Variants in KITLG observed in about 807,000 individuals in gnomAD.
The protein encoded by KITLG is KIT ligand.
A neutral mutation model predicts 34.1 loss-of-function variants in KITLG; 13 were observed. The ratio of observed to expected loss-of-function variants is 0.38; its 90% CI spans 0.25 to 0.61. KITLG has a LOEUF of 0.61. Ranked by LOEUF, KITLG falls within the 20% of genes least tolerant of loss-of-function variation. The pLI is 0.60. For missense variants in KITLG, 292 were observed against 318.9 expected (o/e 0.92, Z 0.64); for synonymous variants, 110 against 104.0 (o/e 1.06, Z -0.35).
chr12:88,533,301 T>C (rs1040396220), intron 2 of KITLG, among the ~76,000 whole-genome samples: 5 of 152,204 alleles, frequency 3.3e-5, no homozygotes, highest in African/African-American at 1.2e-4. Context: ...ATCTAAACTC[T>C]GTATGTTGGT....
chr12:88,567,426 A>T (rs956692311), intron 1 of KITLG, among the ~76,000 whole-genome samples: 2 of 152,222 alleles, frequency 1.3e-5, no homozygotes, highest in African/African-American at 4.8e-5. Flanking sequence ...CAAAAAGAAC[A>T]TAACAGTTTA....
chr12:88,511,744 T>C (rs1869284938), intron 6 of KITLG, among the ~76,000 whole-genome samples: 1 of 151,998 alleles, frequency 6.6e-6, no homozygotes, highest in Admixed American at 6.6e-5. Flanking sequence ...CACAGAACAA[T>C]GGGGACAAAA....
chr12:88,578,069 C>A (rs1871889628), intron 1 of KITLG, among the ~76,000 whole-genome samples: 2 of 152,088 alleles, frequency 1.3e-5, no homozygotes, highest in Non-Finnish European at 2.9e-5. Flanking sequence ...TTCTTAATGT[C>A]CAATTTACAT....
chr12:88,513,969 G>T (rs538375245), intron 6 of KITLG, among the ~76,000 whole-genome samples: 1 of 151,562 alleles, frequency 6.6e-6, no homozygotes, highest in East Asian at 1.9e-4. Flanking sequence ...AATAGTTTCA[G>T]TACATTTCAA....
Position 88,507,051 on chromosome 12 carries a change from C to A in KITLG, c.691G>T (p.Ala231Ser), listed in dbSNP as rs754913140. The A allele has an allele frequency of 6.2e-7, 1 of 1,609,778 alleles. No individual in the cohort carries two copies. The highest frequency in any genetic ancestry group is 8.5e-7 in the Non-Finnish European group (1 of 1,176,220). ...PALFSLIIGF[A>S]FGALYWKKRQ... The stretch of plus-strand genomic sequence containing the variant: ...ACCTTCCAGTATAAGGCTCCAAAAG[C>A]AAAGCCAATTATAAGAGAAAACAAT... Residue 231 changes from alanine (A) to serine (S), a missense_variant, in exon 7 of 10, where the codon GCT (alanine) becomes TCT (serine). Physicochemically the swap from Ala to Ser is moderately conservative, Grantham distance 99. Around this residue, in one of 2 missense-constraint regions of KITLG, gnomAD observed 140 missense variants for 111.0 expected, o/e 1.26. Coordinates refer to ENST00000644744, the MANE Select transcript of KITLG (RefSeq NM_000899.5).
chr12:88,507,103 T>A lies in KITLG; in HGVS notation c.639A>T (p.Leu213=), dbSNP rs769039249. 13 of 1,613,542 alleles carry A rather than the reference T, an allele frequency of 8.1e-6. No individual in the cohort carries two copies. In the South Asian group the frequency reaches 1.3e-4, roughly 16 times the overall value. The change falls in exon 7 of 10, where the codon CTA becomes CTT. Residue 213 remains leucine, a synonymous_variant. Transcript: ENST00000644744. The part of the protein sequence containing the change: ...KAKNPPGDSS[L]HWAAMALPAL... ...CTGGCAATGCCATGGCTGCCCAGTGTAGGCTGGAGTCTCCAGGGGGATTTT... is the reference window on the plus strand; with the variant it reads ...CTGGCAATGCCATGGCTGCCCAGTGAAGGCTGGAGTCTCCAGGGGGATTTT...
intron 6 of KITLG, among the ~76,000 whole-genome samples, chr12:88,511,640 AC>A (rs1219493152): frequency 6.6e-6 from 1 of 152,174 alleles, no homozygotes; most frequent in Non-Finnish European, 1.5e-5. Context: ...TAGAGAAGTC[AC>A]AAAACCTGAC....
At chr12:88,506,942 T>C (rs1869085631) in intron 7 of KITLG, 86 bp downstream of exon 7, 1 of 835,842 alleles carries the variant, frequency 1.2e-6, no homozygotes, top group Non-Finnish European at 2.1e-6. Flanking sequence ...TTCACTGTTT[T>C]CTTAAAGGAT....
Position 88,559,934 on chromosome 12 carries a change from C to A in KITLG, c.16-14069G>T, listed in dbSNP as rs181391331. Among the ~76,000 whole-genome samples the A allele has an allele frequency of 5.3e-5, 8 of 152,310 alleles. No homozygotes were observed. The East Asian group carries it at 1.5e-3, about 29-fold the overall frequency. ...TGCAGGTTCAATGACATGCCCAGGA[C>A]TTGTTCTTCTGATAACAATATATGT... is the stretch of plus-strand genomic sequence containing the variant. On this transcript the variant is annotated intron_variant, in intron 1 of 9. Transcript: ENST00000644744.
At chr12:88,514,898 A>G (rs1869403501) in intron 6 of KITLG, among the ~76,000 whole-genome samples, 2 of 151,766 alleles carry the variant, frequency 1.3e-5, no homozygotes, top group South Asian at 4.1e-4. Flanking sequence ...GAGGCTAGAG[A>G]GTATTTAGTA....
chr12:88,553,246 T>G (rs892947753), intron 1 of KITLG, among the ~76,000 whole-genome samples: 1 of 152,208 alleles, frequency 6.6e-6, no homozygotes, highest in African/African-American at 2.4e-5. Flanking sequence ...TTCCAATATA[T>G]CAACAAAATA....
chr12:88,507,708 C>T (rs1002010962), intron 6 of KITLG, among the ~76,000 whole-genome samples: 2 of 152,068 alleles, frequency 1.3e-5, no homozygotes, highest in Admixed American at 6.6e-5. Context: ...CACTGTGCAA[C>T]GGACTAAGAG....
intron 2 of KITLG, among the ~76,000 whole-genome samples, chr12:88,543,115 T>TATC (rs1408287466): frequency 6.6e-6 from 1 of 152,006 alleles, no homozygotes; most frequent in African/African-American, 2.4e-5. Flanking sequence ...CTGTAATTTT[T>TATC]ATTATTATTA....
chr12:88,536,082 A>G (rs903436261), intron 2 of KITLG, among the ~76,000 whole-genome samples: 1 of 152,208 alleles, frequency 6.6e-6, no homozygotes, highest in Non-Finnish European at 1.5e-5. Context: ...GCTACTACAC[A>G]GCAAAAGAAA....
At chr12:88,526,341 CG>C (rs1869863237) in intron 3 of KITLG, among the ~76,000 whole-genome samples, 1 of 152,112 alleles carries the variant, frequency 6.6e-6, no homozygotes, top group Admixed American at 6.6e-5. Context: ...AAGATAATAA[CG>C]TTGCAGTGCA....
chr12:88,573,901 G>T (rs545201264), intron 1 of KITLG, among the ~76,000 whole-genome samples: 15 of 152,170 alleles, frequency 9.9e-5, no homozygotes, highest in African/African-American at 3.6e-4. Flanking sequence ...TTGAGCTGCT[G>T]TCTGTGTACC....
intron 1 of KITLG, among the ~76,000 whole-genome samples, chr12:88,577,727 A>C (rs776227917): frequency 1.3e-5 from 2 of 152,192 alleles, no homozygotes; most frequent in African/African-American, 2.4e-5. Flanking sequence ...GAAATACTGA[A>C]GTGTACCAAC....
chr12:88,504,782 A>G (rs1868989725), intron 9 of KITLG, among the ~76,000 whole-genome samples: 2 of 152,292 alleles, frequency 1.3e-5, no homozygotes, highest in African/African-American at 4.8e-5. Context: ...CCAAAGGATT[A>G]TAAAATTATA....
intron 2 of KITLG, among the ~76,000 whole-genome samples, chr12:88,543,348 G>A (rs768677926): frequency 2.6e-5 from 4 of 152,084 alleles, no homozygotes; most frequent in Non-Finnish European, 4.4e-5. Context: ...ACTTATGAGT[G>A]AGAACATGCG....
Sources: allele counts gnomAD v4.1 joint callset (sites outside exome capture counted in the v4.1 genomes callset), GRCh38; gene constraint gnomAD v4.1.1; regional missense constraint gnomAD v4.1.1; transcripts MANE v1.5; gene names NCBI Gene and HGNC (gene_info 2026-07-23, HGNC 2026-07-21).